Variants in HIVEP3 observed in about 807,000 individuals in gnomAD.
HIVEP3 encodes the protein transcription factor HIVEP3.
A neutral mutation model predicts 152.8 loss-of-function variants in HIVEP3; 49 were observed. The ratio of observed to expected loss-of-function variants is 0.32; its 90% confidence interval spans 0.26 to 0.41. The LOEUF (loss-of-function observed/expected upper bound fraction) is 0.41. Ranked by LOEUF, HIVEP3 falls within the 10% of genes least tolerant of loss-of-function variation. The pLI is 1.00. For missense variants in HIVEP3, 2,790 were observed against 3,103.3 expected (o/e 0.90, Z 2.40); for synonymous variants, 1,269 against 1,289.0 (o/e 0.98, Z 0.33).
At chr1:41,924,268 G>A (rs1644956746) in intron 1 of HIVEP3, among the ~76,000 whole-genome samples, 1 of 152,098 alleles carries the variant, frequency 6.6e-6, no homozygotes, top group Non-Finnish European at 1.5e-5. Context: ...GCCTCCGGAG[G>A]GAGCATAGCC....
chr1:41,678,595 T>C (rs1398362826), intron 2 of HIVEP3, among the ~76,000 whole-genome samples: 1 of 151,810 alleles, frequency 6.6e-6, no homozygotes, highest in Non-Finnish European at 1.5e-5. Context: ...GCAGGCACTA[T>C]CCAGTCTGAG....
At chr1:41,749,404 T>TTTTGTGTGTGTGTGTGTGTG (rs1553255920) in intron 1 of HIVEP3, among the ~76,000 whole-genome samples, 3 of 140,678 alleles carry the variant, frequency 2.1e-5, no homozygotes, top group Admixed American at 7.0e-5. Context: ...TTAGAAAAAA[T>TTTTGTGTGTGTGTGTGTGTG]TGTGTGTGTG....
chr1:41,833,704 G>C (rs567893888), intron 1 of HIVEP3, among the ~76,000 whole-genome samples: 1 of 152,220 alleles, frequency 6.6e-6, no homozygotes, highest in African/African-American at 2.4e-5. Flanking sequence ...ACATCATGAT[G>C]GACACAAGAA....
At chr1:41,791,730 T>C (rs371568955) in intron 1 of HIVEP3, among the ~76,000 whole-genome samples, 4 of 152,200 alleles carry the variant, frequency 2.6e-5, no homozygotes, top group Non-Finnish European at 5.9e-5. Flanking sequence ...TTTGTTGTTA[T>C]ATGCAGAAAA....
At chr1:42,017,700 T>A (rs1557563684) in intron 1 of HIVEP3, among the ~76,000 whole-genome samples, 2 of 152,178 alleles carry the variant, frequency 1.3e-5, no homozygotes, top group East Asian at 3.8e-4. Context: ...TTGAGGCTAT[T>A]ATGAATATTA....
chr1:41,577,872 C>T (rs1450566842), intron 4 of HIVEP3, among the ~76,000 whole-genome samples: 3 of 152,156 alleles, frequency 2.0e-5, no homozygotes, highest in Non-Finnish European at 4.4e-5. Context: ...AAGCCATAGA[C>T]CATGTGGTTA....
intron 2 of HIVEP3, among the ~76,000 whole-genome samples, chr1:41,674,638 G>A (rs180677956): frequency 2.0e-5 from 3 of 152,314 alleles, no homozygotes; most frequent in East Asian, 3.9e-4. Flanking sequence ...CCTATTCACA[G>A]GTGTCCTTTG....
At chr1:41,938,314 G>A (rs138259692) in intron 1 of HIVEP3, among the ~76,000 whole-genome samples, 67 of 152,220 alleles carry the variant, frequency 4.4e-4, no homozygotes, top group South Asian at 8.3e-4. Flanking sequence ...ACCATACCGT[G>A]CATCAATGCA....
intron 1 of HIVEP3, among the ~76,000 whole-genome samples, chr1:41,748,776 C>T (rs958618560): frequency 6.6e-6 from 1 of 152,214 alleles, no homozygotes; most frequent in Non-Finnish European, 1.5e-5. Context: ...GGTCAGAATG[C>T]CACAGACCCC....
At chr1:41,553,326 C>CT (rs1027817110) in intron 5 of HIVEP3, among the ~76,000 whole-genome samples, 2 of 151,842 alleles carry the variant, frequency 1.3e-5, no homozygotes, top group African/African-American at 2.4e-5. Context: ...GCAACCCCTG[C>CT]TTTTTTTTCG....
chr1:41,606,071 C>T (rs911790849), intron 3 of HIVEP3, among the ~76,000 whole-genome samples: 6 of 149,480 alleles, frequency 4.0e-5, no homozygotes, highest in African/African-American at 1.5e-4. Context: ...TCTTCTAGGC[C>T]CCAGAATGCC....
intron 5 of HIVEP3, among the ~76,000 whole-genome samples, chr1:41,565,810 G>GA (rs1046416744): frequency 2.6e-5 from 4 of 151,990 alleles, no homozygotes; most frequent in Non-Finnish European, 5.9e-5. Flanking sequence ...GTACCCGCTT[G>GA]AAAAAAAGTC....
At chr1:41,851,393 C>G (rs1320422069) in intron 1 of HIVEP3, among the ~76,000 whole-genome samples, 1 of 138,484 alleles carries the variant, frequency 7.2e-6, no homozygotes, top group Non-Finnish European at 1.5e-5. Context: ...ACATCTGCCT[C>G]CTGGATTCAA....
At chr1:41,798,809 C>T (rs1650132462) in intron 1 of HIVEP3, among the ~76,000 whole-genome samples, 2 of 152,190 alleles carry the variant, frequency 1.3e-5, no homozygotes, top group African/African-American at 4.8e-5. Context: ...TCCACATGAG[C>T]TACCTTCCTT....
chr1:41,838,713 A>G (rs1643199687), intron 1 of HIVEP3, among the ~76,000 whole-genome samples: 1 of 152,168 alleles, frequency 6.6e-6, no homozygotes, highest in South Asian at 2.1e-4. Flanking sequence ...TATAGAATGG[A>G]GTCAATAATA....
Position 41,785,133 on chromosome 1 carries a change from A to T in HIVEP3, c.-800-84138T>A, listed in dbSNP as rs114188731. 7.6e-3 allele frequency among the ~76,000 whole-genome samples: 1,156 copies of T among 152,226 alleles called. 18 individuals carry two copies. The highest frequency in any genetic ancestry group is 0.026 in the African/African-American group (1,097 of 41,522). ...CAAATCACTCTCTTTCCCCTCCTCA[A>T]ACCTGCCCTGACTTCCTTCTTTAGT... On this transcript the variant is annotated intron_variant, in intron 1 of 8. Transcript: ENST00000372583.
intron 5 of HIVEP3, among the ~76,000 whole-genome samples, chr1:41,532,020 A>G (rs1314012699): frequency 7.8e-6 from 1 of 128,242 alleles, no homozygotes; most frequent in Non-Finnish European, 1.7e-5. Flanking sequence ...GACAGGAGAG[A>G]TGGAAGACAG....
At chr1:41,831,819 G>A (rs77144113) in intron 1 of HIVEP3, among the ~76,000 whole-genome samples, 2,948 of 152,276 alleles carry the variant, frequency 0.019, 109 homozygotes, top group African/African-American at 0.068. Flanking sequence ...AAGGAATGCT[G>A]GCTCTTAACA....
At chr1:41,755,210 G>GT (rs918248811) in intron 1 of HIVEP3, among the ~76,000 whole-genome samples, 21 of 151,600 alleles carry the variant, frequency 1.4e-4, no homozygotes, top group African/African-American at 3.6e-4. Flanking sequence ...AGGAAGCATA[G>GT]TTTTTTTTTA....
Sources: gnomAD v4.1 joint callset for allele counts (sites outside exome capture counted in the v4.1 genomes callset) on GRCh38, gnomAD v4.1.1 for gene constraint, MANE v1.5 for transcripts, NCBI Gene and HGNC (gene_info 2026-07-23, HGNC 2026-07-21) for gene names.